Variants in EPHB1 observed in about 807,000 individuals in gnomAD.
EPHB1 encodes the protein EPH receptor B1.
Under a neutral mutation model 94.4 loss-of-function variants are expected in EPHB1, and 30 were observed. That is an observed-to-expected ratio of 0.32 (90% CI 0.24 to 0.43). The LOEUF (loss-of-function observed/expected upper bound fraction) is 0.43, where lower values mean the gene tolerates loss of function less well. Among genes scored for constraint, EPHB1 ranks in the 20% least tolerant of loss-of-function variants. The probability of loss-of-function intolerance (pLI) is 1.00; values close to 1 mark genes in which losing one functional copy is unlikely to be tolerated. For synonymous variants in EPHB1, 522 were observed against 489.1 expected (o/e 1.07, Z -0.89); for missense variants, 1,055 against 1,308.3 (o/e 0.81, Z 2.99).
chr3:134,929,343 C>T (rs2038859279), intron 2 of EPHB1, among the ~76,000 whole-genome samples: 1 of 152,110 alleles, frequency 6.6e-6, no homozygotes, highest in Non-Finnish European at 1.5e-5. Flanking sequence ...TGAGAGGGCA[C>T]AAAAGGAACT....
chr3:134,901,305 T>C (rs1343675034), intron 1 of EPHB1, among the ~76,000 whole-genome samples: 1 of 152,232 alleles, frequency 6.6e-6, no homozygotes, highest in Non-Finnish European at 1.5e-5. Context: ...CACGTAACAC[T>C]TGGTTGATTT....
intron 4 of EPHB1, among the ~76,000 whole-genome samples, chr3:135,127,361 G>A (rs1441588585): frequency 6.6e-6 from 1 of 152,168 alleles, no homozygotes; most frequent in African/African-American, 2.4e-5. Flanking sequence ...CATGATCCCA[G>A]CCTGAATGTG....
chr3:135,082,840 G>A (rs937967708), intron 3 of EPHB1, among the ~76,000 whole-genome samples: 1 of 152,224 alleles, frequency 6.6e-6, no homozygotes, highest in African/African-American at 2.4e-5. Flanking sequence ...GTACTGGCAG[G>A]CTGATTCATA....
chr3:134,979,619 C>T (rs1934330423), intron 3 of EPHB1, among the ~76,000 whole-genome samples: 1 of 151,946 alleles, frequency 6.6e-6, no homozygotes, highest in Non-Finnish European at 1.5e-5. Flanking sequence ...AATGGTTCAA[C>T]TTATGATTTT....
At chr3:134,970,600 G>T (rs938888116) in intron 3 of EPHB1, among the ~76,000 whole-genome samples, 1 of 152,182 alleles carries the variant, frequency 6.6e-6, no homozygotes, top group Non-Finnish European at 1.5e-5. Flanking sequence ...GTGTATGTGT[G>T]TGTGTATGTA....
chr3:135,015,348 C>T (rs1935761499), intron 3 of EPHB1, among the ~76,000 whole-genome samples: 1 of 151,988 alleles, frequency 6.6e-6, no homozygotes, highest in Non-Finnish European at 1.5e-5. Context: ...TCAAGCGATT[C>T]TCCTGCCTCA....
chr3:134,883,163 G>A (rs1342813704), intron 1 of EPHB1, among the ~76,000 whole-genome samples: 1 of 152,112 alleles, frequency 6.6e-6, no homozygotes, highest in Non-Finnish European at 1.5e-5. Flanking sequence ...AATATGAAAG[G>A]TCCCTTGCTT....
chr3:135,185,101 T>C (rs1942295045), intron 10 of EPHB1, among the ~76,000 whole-genome samples: 1 of 152,208 alleles, frequency 6.6e-6, no homozygotes. Context: ...AATAAATATG[T>C]CTCCTCTGAC....
intron 10 of EPHB1, among the ~76,000 whole-genome samples, 167 bp downstream of exon 10, chr3:135,180,149 G>C (rs1254685184): frequency 6.6e-6 from 1 of 152,196 alleles, no homozygotes; most frequent in East Asian, 1.9e-4. Context: ...ATCTAGGACA[G>C]AGAGAAAACA....
intron 4 of EPHB1, among the ~76,000 whole-genome samples, chr3:135,130,149 C>T (rs1041029203): frequency 9.2e-5 from 14 of 152,026 alleles, no homozygotes; most frequent in African/African-American, 3.4e-4. Context: ...AATTAGGAGG[C>T]TTTTGCAATA....
At chr3:135,037,756 A>T (rs958986839) in intron 3 of EPHB1, among the ~76,000 whole-genome samples, 1 of 152,176 alleles carries the variant, frequency 6.6e-6, no homozygotes, top group African/African-American at 2.4e-5. Context: ...TGAAATGTGG[A>T]TTTTACATTT....
chr3:134,915,964 C>T lies in EPHB1; in HGVS notation c.59-9852C>T, dbSNP rs142253660. Among the ~76,000 whole-genome samples, 405 of 152,256 alleles carry T rather than the reference C, an allele frequency of 2.7e-3. 2 individuals are homozygous for T. Among genetic ancestry groups the T allele is most frequent in the Middle Eastern group, 0.01 (3 of 294 alleles). ...CCTACTTTTATTCTCTTATCTGGCC[C>T]CACCCACATCCTGCTGACTGGTCCA... On this transcript the variant is annotated intron_variant, in intron 1 of 15. Transcript: ENST00000398015.
At chr3:134,875,924 G>T (rs974137725) in intron 1 of EPHB1, among the ~76,000 whole-genome samples, 1 of 150,182 alleles carries the variant, frequency 6.7e-6, no homozygotes, top group Non-Finnish European at 1.5e-5. Flanking sequence ...TCAGCTGCCA[G>T]AGGGAGCTTT....
intron 1 of EPHB1, among the ~76,000 whole-genome samples, chr3:134,862,878 C>T (rs1035024264): frequency 6.6e-6 from 1 of 152,238 alleles, no homozygotes; most frequent in Non-Finnish European, 1.5e-5. Context: ...CTGTACGTCA[C>T]ACACAGGGCT....
chr3:134,998,567 G>A (rs1416771632), intron 3 of EPHB1, among the ~76,000 whole-genome samples: 1 of 152,182 alleles, frequency 6.6e-6, no homozygotes, highest in African/African-American at 2.4e-5. Flanking sequence ...TTATATGTCA[G>A]TATTAAAGAT....
chr3:134,829,467 G>A (rs181421639), intron 1 of EPHB1, among the ~76,000 whole-genome samples: 237 of 152,198 alleles, frequency 1.6e-3, no homozygotes, highest in African/African-American at 5.3e-3. Context: ...CTCTGAGAAG[G>A]CATCCCCTCA....
chr3:135,236,316 T>TAA (rs1459787551), intron 12 of EPHB1, among the ~76,000 whole-genome samples: 2 of 152,062 alleles, frequency 1.3e-5, no homozygotes, highest in African/African-American at 4.8e-5. Context: ...TGTATTTTCA[T>TAA]TCGGCCTTCT....
At chr3:135,246,455 C>T (rs775429370) in intron 13 of EPHB1, among the ~76,000 whole-genome samples, 2 of 152,102 alleles carry the variant, frequency 1.3e-5, no homozygotes, top group African/African-American at 4.8e-5. Context: ...AGAAGACAGC[C>T]GACACCTCCA....
chr3:135,091,890 G>A (rs1559826170), intron 3 of EPHB1, among the ~76,000 whole-genome samples: 2 of 152,150 alleles, frequency 1.3e-5, no homozygotes, highest in African/African-American at 4.8e-5. Context: ...TGGAAAAAGT[G>A]AGAAACTCTG....
Sources: gnomAD v4.1 joint callset for allele counts (sites outside exome capture counted in the v4.1 genomes callset) on GRCh38, gnomAD v4.1.1 for gene constraint, MANE v1.5 for transcripts, NCBI Gene and HGNC (gene_info 2026-07-23, HGNC 2026-07-21) for gene names.